CPM: variants seen among roughly 807,000 people sequenced by gnomAD.
CPM encodes the protein renal carboxypeptidase.
Under a neutral mutation model 46.4 loss-of-function variants are expected in CPM, and 35 were observed. That is an observed-to-expected ratio of 0.75 (90% CI 0.58 to 1.00). The LOEUF (loss-of-function observed/expected upper bound fraction) is 1.00, where lower values mean the gene tolerates loss of function less well. Among genes scored for constraint, CPM ranks in the 50% least tolerant of loss-of-function variants. The pLI is 0.00. For missense variants in CPM, 422 were observed against 530.4 expected (o/e 0.80, Z 2.01); for synonymous variants, 195 against 195.3 (o/e 1.00, Z 0.01).
intron 2 of CPM, among the ~76,000 whole-genome samples, chr12:68,907,617 T>C (rs1469600110): frequency 2.0e-5 from 3 of 152,112 alleles, no homozygotes; most frequent in African/African-American, 7.2e-5. Flanking sequence ...TTGGGGTAGG[T>C]TAGCCCAGCG....
chr12:68,934,167 C>A (rs1888624650), upstream of CPM, among the ~76,000 whole-genome samples: 1 of 151,816 alleles, frequency 6.6e-6, no homozygotes, highest in Non-Finnish European at 1.5e-5. Context: ...TGTAAGTAAC[C>A]GTGTCAGGGT....
intron 2 of CPM, among the ~76,000 whole-genome samples, chr12:68,931,522 A>G (rs1888498815): frequency 6.6e-6 from 1 of 151,976 alleles, no homozygotes; most frequent in Non-Finnish European, 1.5e-5. Context: ...AAGCAGGAGG[A>G]TCACAAGGTC....
chr12:68,962,219 C>A (rs896353818), intron 1 of CPM, among the ~76,000 whole-genome samples: 68 of 128,832 alleles, frequency 5.3e-4, no homozygotes, highest in African/African-American at 2.5e-3. Flanking sequence ...AAAAAAAAAA[C>A]CAAGTGTGAT....
chr12:68,926,520 C>T (rs1165457701), intron 2 of CPM, among the ~76,000 whole-genome samples: 2 of 152,032 alleles, frequency 1.3e-5, no homozygotes, highest in African/African-American at 4.8e-5. Context: ...ATGGAATCAT[C>T]CCCATCTGTG....
upstream of CPM, among the ~76,000 whole-genome samples, chr12:68,937,763 C>A (rs1888695085): frequency 6.6e-6 from 1 of 152,096 alleles, no homozygotes; most frequent in Non-Finnish European, 1.5e-5. Context: ...TTTTAATTTT[C>A]TTTTTTACAT....
At chr12:68,872,545 G>A (rs181306352) in intron 3 of CPM, among the ~76,000 whole-genome samples, 5 of 152,214 alleles carry the variant, frequency 3.3e-5, no homozygotes, top group Admixed American at 1.3e-4. Flanking sequence ...GAGACACTGC[G>A]CCCGGCCGCA....
At chr12:68,926,441 A>G (rs936227904) in intron 2 of CPM, among the ~76,000 whole-genome samples, 5 of 152,080 alleles carry the variant, frequency 3.3e-5, no homozygotes, top group African/African-American at 1.2e-4. Context: ...TCCTTGGTAG[A>G]GCTATACCTT....
At chr12:68,904,379 C>T (rs146836560) in intron 2 of CPM, among the ~76,000 whole-genome samples, 8 of 152,332 alleles carry the variant, frequency 5.3e-5, no homozygotes, top group African/African-American at 1.7e-4. Flanking sequence ...ATTTGCAGTA[C>T]ATAGTGGCCA....
chr12:68,894,983 C>T (rs548317422), intron 2 of CPM, among the ~76,000 whole-genome samples: 3 of 145,226 alleles, frequency 2.1e-5, no homozygotes, highest in Non-Finnish European at 3.0e-5. Context: ...AAGCCGAGAT[C>T]GCACCGCTGC....
At position 68,885,839 on chromosome 12, in the gene CPM, T is replaced by C; in HGVS notation, c.211A>G (p.Ile71Val). The C allele has an allele frequency of 1.2e-6, 2 of 1,614,188 alleles. No homozygotes were observed. The highest frequency in any genetic ancestry group is 1.3e-5 in the African/African-American group (1 of 75,052). ...ACGTATTTGAACTCTGGAATCCCAA[T>C]TCTGTGTTCCTTTGGAAACCGCCCC... ...VVGRFPKEHRIGIPEFKYVAN... is the reference protein window; with the variant it reads ...VVGRFPKEHRVGIPEFKYVAN... Residue 71 changes from isoleucine (I) to valine (V), a missense_variant, in exon 3 of 9, where the codon ATT (isoleucine) becomes GTT (valine). Transcript: ENST00000551568.
chr12:68,951,982 G>C (rs1449116990), intron 1 of CPM, among the ~76,000 whole-genome samples: 14 of 152,196 alleles, frequency 9.2e-5, no homozygotes, highest in Admixed American at 7.9e-4. Context: ...TGCAATCCGT[G>C]TGTGGGTTTT....
intron 2 of CPM, among the ~76,000 whole-genome samples, chr12:68,919,054 C>T (rs1887929664): frequency 6.6e-6 from 1 of 152,206 alleles, no homozygotes; most frequent in South Asian, 2.1e-4. Flanking sequence ...TTCTGTTCTA[C>T]TCTTTCCACC....
chr12:68,892,347 A>G lies in CPM; in HGVS notation c.161-6458T>C, dbSNP rs761239120. Among the ~76,000 whole-genome samples, 127 of 152,146 alleles carry G rather than the reference A, an allele frequency of 8.3e-4. 1 individual carries two copies. The highest frequency in any genetic ancestry group is 2.4e-4 in the Non-Finnish European group (16 of 68,028). On this transcript the variant is annotated intron_variant, in intron 2 of 8. Coordinates refer to ENST00000551568, the MANE Select transcript of CPM (RefSeq NM_198320.5). ...TGGAAGGAGGGAGTCGAGGGGCACA[A>G]TGAGGATGGTTTGAGAAGTGATGGC...
intron 2 of CPM, among the ~76,000 whole-genome samples, chr12:68,912,892 C>T (rs1274607590): frequency 6.6e-6 from 1 of 152,174 alleles, no homozygotes; most frequent in African/African-American, 2.4e-5. Flanking sequence ...TCCATTAATA[C>T]ACTTCTATCT....
intron 2 of CPM, among the ~76,000 whole-genome samples, chr12:68,929,424 G>A (rs1028030177): frequency 2.0e-5 from 3 of 152,122 alleles, no homozygotes; most frequent in African/African-American, 7.2e-5. Flanking sequence ...TTGAACGAAC[G>A]AACTGATGAA....
At chr12:68,913,772 C>T (rs566047437) in intron 2 of CPM, 6 of 530,452 alleles carry the variant, frequency 1.1e-5, no homozygotes, top group African/African-American at 7.6e-5. Context: ...CCTATAAAAT[C>T]CCATGCGGAA....
chr12:68,870,100 T>C (rs1885624696), intron 5 of CPM, 115 bp downstream of exon 5: 1 of 1,077,778 alleles, frequency 9.3e-7, no homozygotes, highest in Non-Finnish European at 1.3e-6. Context: ...GAAGCTCTTT[T>C]CACCCTGCCA....
intron 2 of CPM, among the ~76,000 whole-genome samples, chr12:68,906,473 T>C (rs1035610240): frequency 2.0e-5 from 3 of 151,660 alleles, no homozygotes; most frequent in African/African-American, 7.3e-5. Context: ...AGCTATATGC[T>C]GAAGAGCTCA....
chr12:68,848,666 C>A (rs1592618595), downstream of CPM: 1 of 152,132 alleles, frequency 6.6e-6, no homozygotes, highest in African/African-American at 2.4e-5. Flanking sequence ...ACATTTGTTT[C>A]TTTTTATAGG....
Sources: gnomAD v4.1 joint callset for allele counts (sites outside exome capture counted in the v4.1 genomes callset) on GRCh38, gnomAD v4.1.1 for gene constraint, MANE v1.5 for transcripts, NCBI Gene and HGNC (gene_info 2026-07-23, HGNC 2026-07-21) for gene names.